The following MORC4 variants were observed in gnomAD, a reference collection of about 807,000 sequenced individuals.
MORC4 encodes MORC family CW-type zinc finger protein 4.
Under a neutral mutation model 65.5 loss-of-function variants are expected in MORC4, and 22 were observed. The observed-to-expected ratio is 0.34, with a 90% CI of 0.24 to 0.48. The LOEUF (loss-of-function observed/expected upper bound fraction) is 0.48, where lower values mean the gene tolerates loss of function less well. MORC4 is among the 20% of genes least tolerant of loss of function. MORC4 has a pLI of 0.99. For synonymous variants in MORC4, 267 were observed against 255.8 expected, an observed-to-expected ratio of 1.04 and a Z score of -0.42; for missense variants, 624 against 703.0, an observed-to-expected ratio of 0.89 and a Z score of 1.27.
At chrX:106,990,502 C>T (rs1389706937) in intron 3 of MORC4, among the ~76,000 whole-genome samples, 1 of 112,127 alleles carries the variant, frequency 8.9e-6, no homozygotes, top group Admixed American at 9.4e-5. Context: ...AGGCAATCTG[C>T]CTGCCTTGGC....
At chrX:106,990,496 A>G (rs1369724802) in intron 3 of MORC4, among the ~76,000 whole-genome samples, 4 of 112,062 alleles carry the variant, frequency 3.6e-5, no homozygotes, top group Non-Finnish European at 7.5e-5. Flanking sequence ...GGACTCAGGC[A>G]ATCTGCCTGC....
Position 106,941,518 on chromosome X carries a change from G to A in MORC4, c.2775C>T (p.Ile925=). Residue 925 remains isoleucine (I), a synonymous_variant, in exon 17 of 17, where the codon ATC becomes ATT. Coordinates refer to ENST00000355610, the MANE Select transcript of MORC4 (RefSeq NM_024657.5). ...IGYDSEQVDG[I]LYTVLEANHI... ...GATTTGCCTCCAGCACCGTGTACAG[G>A]ATCCCATCCACTTGTTCTGAGTCAT... 1 of 1,209,810 alleles carries A rather than the reference G, an allele frequency of 8.3e-7. No individual in the cohort carries two copies. Among genetic ancestry groups the A allele is most frequent in the Non-Finnish European group, 1.1e-6 (1 of 894,285 alleles).
intron 9 of MORC4, among the ~76,000 whole-genome samples, chrX:106,968,642 CAAAAAAAAAAAA>C (rs1194053588): frequency 5.6e-5 from 1 of 17,973 alleles, no homozygotes; most frequent in South Asian, 4.3e-3. Flanking sequence ...AAATGGAAAG[CAAAAAAAAAAAA>C]AAAAAAAAAA....
chrX:106,974,955 T>G (rs16987264), intron 9 of MORC4, among the ~76,000 whole-genome samples: 6,901 of 111,481 alleles, frequency 0.062, 581 homozygotes, highest in African/African-American at 0.21. Flanking sequence ...AGTTCCCTGT[T>G]TTTAATAAAG....
At chrX:106,979,693 C>T (rs1048418838) in intron 7 of MORC4, among the ~76,000 whole-genome samples, 11 of 110,218 alleles carry the variant, frequency 1.0e-4, no homozygotes, top group African/African-American at 2.0e-4. Flanking sequence ...TGAGAAGAGT[C>T]GAGGTAACAT....
At chrX:106,972,467 A>AT (rs1306943413) in intron 9 of MORC4, among the ~76,000 whole-genome samples, 1 of 111,431 alleles carries the variant, frequency 9.0e-6, no homozygotes, top group African/African-American at 3.3e-5. Context: ...AAGTATAATA[A>AT]TAAAAAAAAG....
chrX:106,963,327 G>A (rs1934295085), intron 9 of MORC4, among the ~76,000 whole-genome samples: 1 of 111,830 alleles, frequency 8.9e-6, no homozygotes, highest in African/African-American at 3.3e-5. Context: ...GGAGTCTATT[G>A]GAAAGTTTGC....
At position 106,942,862 on chromosome X, in the gene MORC4, C is replaced by A. The variant is rs759788793; in HGVS notation, c.2029G>T (p.Gly677Cys). ...PRLVAEESNRGSTTINKEEVN... is the reference protein window; with the variant it reads ...PRLVAEESNRCSTTINKEEVN... The stretch of plus-strand genomic sequence containing the variant: ...TCTTCTTTGTTTATGGTTGTGCTAC[C>A]TCTGTTAGATTCTTCTGCCACCAAT... The change falls in exon 15 of 17, where the codon GGT becomes TGT. Residue 677 changes from glycine (G) to cysteine (C), a missense_variant. By Grantham distance (159) the Gly-to-Cys change is radical. Transcript: ENST00000355610. 2 of 1,211,692 alleles carry A rather than the reference C, an allele frequency of 1.7e-6. No individual in the cohort carries two copies. The highest frequency in any genetic ancestry group is 1.8e-5 in the South Asian group (1 of 56,948).
intron 9 of MORC4, among the ~76,000 whole-genome samples, chrX:106,972,079 C>A (rs1934528023): frequency 8.9e-6 from 1 of 112,089 alleles, no homozygotes; most frequent in Admixed American, 9.4e-5. Context: ...AAATGTCCAA[C>A]AATGATAGAC....
chrX:106,990,408 C>T (rs971716249), intron 3 of MORC4, among the ~76,000 whole-genome samples: 1 of 109,701 alleles, frequency 9.1e-6, no homozygotes, highest in African/African-American at 3.3e-5. Context: ...AGGTGCATGC[C>T]AAAATGTTCA....
intron 13 of MORC4, among the ~76,000 whole-genome samples, chrX:106,955,961 GCA>G (rs1934096408): frequency 9.0e-6 from 1 of 111,467 alleles, no homozygotes; most frequent in Non-Finnish European, 1.9e-5. Context: ...CAACCTTACT[GCA>G]CCCTTCAGCG....
intron 4 of MORC4, 118 bp downstream of exon 4, chrX:106,985,865 C>T (rs1239420675): frequency 3.1e-5 from 17 of 548,880 alleles, no homozygotes; most frequent in Non-Finnish European, 2.4e-5. Flanking sequence ...AAATTTAAGA[C>T]ATTTGAATAC....
Position 106,941,769 on chromosome X carries a change from C to T in MORC4, c.2661-137G>A, listed in dbSNP as rs544082161. On this transcript the variant is annotated intron_variant, in intron 16 of 16. Coordinates refer to ENST00000355610, the MANE Select transcript of MORC4 (RefSeq NM_024657.5). ...ATTAGCTAGAAAGAAGAAAGCACAA[C>T]GCCACCAAGCACAGGGAGACTGGCT... 273 of 807,788 alleles carry T rather than the reference C, an allele frequency of 3.4e-4. 1 individual carries two copies. The highest frequency in any genetic ancestry group is 2.6e-3 in the South Asian group (96 of 37,488). 66.6% of individuals were successfully genotyped at this position (807,788 alleles called of 1,213,427 possible). A position where few individuals can be genotyped will look rare whatever the true frequency, so the allele number is the denominator to read the frequency against.
chrX:106,962,209 G>A, intron 9 of MORC4, 99 bp from the exon 10 acceptor site: 1 of 590,969 alleles, frequency 1.7e-6, no homozygotes, highest in Non-Finnish European at 2.7e-6. Flanking sequence ...ATAATTTAGA[G>A]TATCTGGCAT....
At position 106,954,966 on chromosome X, in the gene MORC4, T is replaced by C; in HGVS notation, c.1632A>G (p.Arg544=). 8.3e-7 allele frequency: 1 copy of C among 1,209,698 alleles called. No individual in the cohort carries two copies. The highest frequency in any genetic ancestry group is 2.2e-5 in the Admixed American group (1 of 45,771). The change falls in exon 14 of 17, where the codon AGA becomes AGG. Residue 544 remains arginine, a synonymous_variant. Coordinates refer to ENST00000355610, the MANE Select transcript of MORC4 (RefSeq NM_024657.5). ...SVLPSGGEES[R]SPSLQLKPLD... ...GAGGCTTAAGTTGAAGAGATGGTGA[T>C]CTGCTTTCTTCTCCACCAGAAGGAA...
intron 14 of MORC4, among the ~76,000 whole-genome samples, chrX:106,953,335 T>A (rs996991561): frequency 8.9e-6 from 1 of 111,739 alleles, no homozygotes; most frequent in African/African-American, 3.3e-5. Flanking sequence ...GAAGGGACAG[T>A]CTTCAAAAGC....
chrX:106,981,302 A>G, intron 6 of MORC4, 43 bp downstream of exon 6: 1 of 1,131,767 alleles, frequency 8.8e-7, no homozygotes, highest in Non-Finnish European at 1.2e-6. Context: ...TTCAGGTTAC[A>G]GGAAATCTTA....
chrX:106,963,901 A>G (rs983106522), intron 9 of MORC4, among the ~76,000 whole-genome samples: 1 of 110,397 alleles, frequency 9.1e-6, no homozygotes, highest in South Asian at 3.8e-4. Flanking sequence ...ACAAAAAAAA[A>G]CCCAGCAAAC....
intron 2 of MORC4, among the ~76,000 whole-genome samples, chrX:106,994,342 C>T (rs1935037447): frequency 2.7e-5 from 3 of 111,838 alleles, no homozygotes; most frequent in Non-Finnish European, 5.6e-5. Flanking sequence ...CCTGTCTCTA[C>T]TAAGCTCTTT....
Sources: gnomAD v4.1 joint callset for allele counts (sites outside exome capture counted in the v4.1 genomes callset) on GRCh38, gnomAD v4.1.1 for gene constraint, MANE v1.5 for transcripts, NCBI Gene and HGNC (gene_info 2026-07-23, HGNC 2026-07-21) for gene names.